The following ATR variants were observed in gnomAD, a reference collection of about 807,000 sequenced individuals.
ATR encodes ATR checkpoint kinase.
A neutral mutation model predicts 305.3 loss-of-function variants in ATR; 142 were observed. That is an observed-to-expected ratio of 0.47 (90% CI 0.41 to 0.53). ATR has a LOEUF of 0.53. Among genes scored for constraint, ATR ranks in the 20% least tolerant of loss-of-function variants. The probability of loss-of-function intolerance (pLI) is 0.00; values close to 1 mark genes in which losing one functional copy is unlikely to be tolerated. For missense variants in ATR, 2,135 were observed against 3,133.1 expected (o/e 0.68, Z 7.60); for synonymous variants, 1,050 against 1,068.1 (o/e 0.98, Z 0.33).
In ATR at chr3:142,578,710, G is replaced by A. The variant is rs769841006; in HGVS notation, c.-6C>T. ...TCCAGGCCATGTTCCCCCATGCTGA[G>A]GCTGCGAGGCACTAGTCAACCACGC... On this transcript the variant is annotated 5_prime_UTR_variant, in exon 1 of 47. Coordinates refer to ENST00000350721, the MANE Select transcript of ATR (RefSeq NM_001184.4). 18 of 1,612,804 alleles carry A rather than the reference G, an allele frequency of 1.1e-5. No individual in the cohort carries two copies. Among genetic ancestry groups the A allele is most frequent in the Non-Finnish European group, 1.4e-5 (16 of 1,179,674 alleles).
chr3:142,494,874 T>C (rs1454219134), intron 34 of ATR, among the ~76,000 whole-genome samples: 1 of 152,216 alleles, frequency 6.6e-6, no homozygotes, highest in East Asian at 1.9e-4. Flanking sequence ...CAATAACGTA[T>C]ACAGGGAAAT....
intron 46 of ATR, chr3:142,451,874 GT>G: frequency 1.5e-6 from 2 of 1,318,984 alleles, no homozygotes; most frequent in African/African-American, 1.5e-5. Context: ...GCGAGCAGAA[GT>G]TTTAACAGGT....
rs1315242219 is a variant in ATR at position 142,552,011 on chromosome 3, T to C, written c.2805+1216A>G. On this transcript the variant is annotated intron_variant, in intron 13 of 46. Transcript: ENST00000350721. ...AAGTGGGCAAAGGACATAAACAGACTCTTCTCCAAAGAAGACATACATGCA... is the reference window on the plus strand; with the variant it reads ...AAGTGGGCAAAGGACATAAACAGACCCTTCTCCAAAGAAGACATACATGCA... Among the ~76,000 whole-genome samples, 3 of 152,088 alleles carry C rather than the reference T, an allele frequency of 2.0e-5. No individual in the cohort carries two copies. In the East Asian group the frequency reaches 5.8e-4, roughly 29 times the overall value.
rs2034793524 is a variant in ATR, at chr3:142,559,257, T to C, written c.1726A>G (p.Met576Val). 1.2e-6 allele frequency: 2 copies of C among 1,613,276 alleles called. No individual in the cohort carries two copies. The highest frequency in any genetic ancestry group is 8.5e-7 in the Non-Finnish European group (1 of 1,179,432). ...VVKIYDALIYMQVNSSFEDHI... is the reference protein window; with the variant it reads ...VVKIYDALIYVQVNSSFEDHI... ...GTTGCTAATTTGTACTCACCTTGCA[T>C]ATAAATCAAAGCATCATAAATTTTC... The change falls in exon 7 of 47, where the codon ATG becomes GTG. Residue 576 changes from methionine to valine, a missense_variant. This residue lies in a region of ATR where 744 missense variants were observed against 873.2 expected (regional missense o/e 0.85). Coordinates refer to ENST00000350721, the MANE Select transcript of ATR (RefSeq NM_001184.4).
chr3:142,450,215 T>C (rs2070758885), intron 46 of ATR: 1 of 586,562 alleles, frequency 1.7e-6, no homozygotes, highest in African/African-American at 1.9e-5. Context: ...AAATATGACT[T>C]ATGTTCCAGC....
chr3:142,503,256 C>T, intron 30 of ATR, 106 bp downstream of exon 30: 3 of 817,618 alleles, frequency 3.7e-6, no homozygotes, highest in Non-Finnish European at 4.0e-6. Flanking sequence ...CATGAAAACA[C>T]ATAAAACATT....
At chr3:142,516,455 A>G (rs925280053) in intron 24 of ATR, among the ~76,000 whole-genome samples, 5 of 152,174 alleles carry the variant, frequency 3.3e-5, no homozygotes, top group South Asian at 2.1e-4. Flanking sequence ...GTGGGCCGCT[A>G]AAGTTACAGA....
chr3:142,572,320 C>G (rs1034702033), intron 1 of ATR, among the ~76,000 whole-genome samples: 3 of 147,806 alleles, frequency 2.0e-5, no homozygotes, highest in South Asian at 2.1e-4. Context: ...CCATCCGCCT[C>G]GGTCTCCCAA....
intron 18 of ATR, 77 bp downstream of exon 18, chr3:142,540,825 CAA>C: frequency 6.7e-7 from 1 of 1,485,512 alleles, no homozygotes; most frequent in East Asian, 2.5e-5. Context: ...CAATTTCCCT[CAA>C]AGAGATAAGA....
At chr3:142,494,527 G>A (rs561617506) in intron 34 of ATR, among the ~76,000 whole-genome samples, 15 of 152,334 alleles carry the variant, frequency 9.8e-5, no homozygotes, top group African/African-American at 3.6e-4. Flanking sequence ...GAGAACTACA[G>A]TCAGGAAAAG....
chr3:142,504,467 C>T (rs1456588704), intron 29 of ATR, among the ~76,000 whole-genome samples: 2 of 143,622 alleles, frequency 1.4e-5, no homozygotes, highest in Non-Finnish European at 3.1e-5. Flanking sequence ...TGGAAGGGAC[C>T]TTTTTTTTTT....
In ATR at chr3:142,503,346, T is replaced by A; in HGVS notation, c.5288+16A>T. On this transcript the variant is annotated intron_variant, in intron 30 of 46. Transcript: ENST00000350721. ...CAGATGCAATAACAAAAGAAAATCA[T>A]TTTATAAAATATTACCTGTTAGCAT... The A allele has an allele frequency of 6.4e-7, 1 of 1,564,290 alleles. No individual in the cohort carries two copies. The highest frequency in any genetic ancestry group is 8.8e-7 in the Non-Finnish European group (1 of 1,136,478).
intron 3 of ATR, among the ~76,000 whole-genome samples, chr3:142,563,342 C>A (rs1219780111): frequency 6.6e-6 from 1 of 152,200 alleles, no homozygotes; most frequent in Admixed American, 6.5e-5. Flanking sequence ...CTGCATCAAG[C>A]AAGTGTATCA....
At chr3:142,515,281 A>G in intron 25 of ATR, 114 bp downstream of exon 25, 4 of 1,409,468 alleles carry the variant, frequency 2.8e-6, no homozygotes, top group African/African-American at 1.4e-5. Flanking sequence ...AAAAATTTCT[A>G]TGATTATCAG....
intron 46 of ATR, chr3:142,449,835 C>T (rs1461137344): frequency 1.3e-5 from 7 of 537,672 alleles, no homozygotes; most frequent in East Asian, 6.4e-5. Flanking sequence ...TTCTGGACTA[C>T]GTGAAATACC....
intron 39 of ATR, 46 bp from the exon 40 acceptor site, chr3:142,466,579 CCACTATAACAAAAATTT>C (rs759011360): frequency 1.6e-5 from 24 of 1,521,518 alleles, no homozygotes; most frequent in Non-Finnish European, 8.1e-6. Context: ...ACCTTAAATT[CCACTATAACAAAAATTT>C]CACTTTTACA....
rs1247137972 is a variant in ATR at position 142,505,242 on chromosome 3, G to A, written c.5093C>T (p.Ala1698Val). Residue 1698 changes from alanine (A) to valine (V), a missense_variant, in exon 29 of 47, where the codon GCA becomes GTA. By Grantham distance (64) the Ala-to-Val change is moderately conservative. Coordinates refer to ENST00000350721, the MANE Select transcript of ATR (RefSeq NM_001184.4). ...GVAGVSAIRK[A>V]EPSLKEQILE... ...GATCTGTTCTTTTAGAGATGGTTCTGCCTTTCTAATTGCACTGACTCCGGC... is the reference window on the plus strand; with the variant it reads ...GATCTGTTCTTTTAGAGATGGTTCTACCTTTCTAATTGCACTGACTCCGGC... 6.2e-7 allele frequency: 1 copy of A among 1,613,886 alleles called. No homozygotes were observed. Among genetic ancestry groups the A allele is most frequent in the Non-Finnish European group, 8.5e-7 (1 of 1,179,986 alleles).
At chr3:142,574,086 G>A (rs999566787) in intron 1 of ATR, among the ~76,000 whole-genome samples, 6 of 152,184 alleles carry the variant, frequency 3.9e-5, no homozygotes, top group African/African-American at 7.2e-5. Context: ...TAAAGATTAT[G>A]TACTCATGTA....
intron 1 of ATR, among the ~76,000 whole-genome samples, chr3:142,575,207 A>C (rs778399356): frequency 7.2e-5 from 11 of 151,930 alleles, no homozygotes; most frequent in Non-Finnish European, 1.0e-4. Flanking sequence ...CAGCCTTCTT[A>C]CTATCCTTTT....
Sources: allele counts gnomAD v4.1 joint callset (sites outside exome capture counted in the v4.1 genomes callset), GRCh38; gene constraint gnomAD v4.1.1; regional missense constraint gnomAD v4.1.1; transcripts MANE v1.5; gene names NCBI Gene and HGNC (gene_info 2026-07-23, HGNC 2026-07-21).